AGXT2: variants seen among roughly 807,000 people sequenced by gnomAD.
The protein encoded by AGXT2 is alanine--glyoxylate aminotransferase 2, mitochondrial.
Under a neutral mutation model 62.5 loss-of-function variants are expected in AGXT2, and 61 were observed. The ratio of observed to expected loss-of-function variants is 0.98; its 90% confidence interval spans 0.79 to 1.21. The LOEUF (loss-of-function observed/expected upper bound fraction) is 1.21, where lower values mean the gene tolerates loss of function less well. Among genes scored for constraint, AGXT2 ranks in the 50% most tolerant of loss-of-function variants. The pLI, the probability that AGXT2 is intolerant of heterozygous loss-of-function variation, is 0.00. For missense variants in AGXT2, 666 were observed against 641.5 expected, an observed-to-expected ratio of 1.04 and a Z score of -0.41; for synonymous variants, 243 against 218.7, an observed-to-expected ratio of 1.11 and a Z score of -0.98.
rs1273211431 is a variant in AGXT2 at position 35,025,744 on chromosome 5, A to G, written c.963+19T>C. The G allele has an allele frequency of 1.2e-6, 2 of 1,613,502 alleles. No homozygotes were observed. Among genetic ancestry groups the G allele is most frequent in the Non-Finnish European group, 1.7e-6 (2 of 1,179,580 alleles). On this transcript the variant is annotated intron_variant, in intron 9 of 13. Coordinates refer to ENST00000231420, the MANE Select transcript of AGXT2 (RefSeq NM_031900.4). ...TCCTGTTCCCACTGCACTCAATGGC[A>G]CCCTTACATGCCACTTACTTCATCT...
intron 3 of AGXT2, among the ~76,000 whole-genome samples, chr5:35,038,073 C>T (rs13177884): frequency 0.29 from 43,628 of 152,134 alleles, 6,923 homozygotes; most frequent in Non-Finnish European, 0.37. Context: ...TTACTACAGA[C>T]ATTTTAGTAC....
At position 35,033,364 on chromosome 5, in the gene AGXT2, A is replaced by T. The variant is rs1045805994; in HGVS notation, c.675+96T>A. 7 of 975,914 alleles carry T rather than the reference A, an allele frequency of 7.2e-6. No homozygotes were observed. In the African/African-American group the frequency reaches 1.1e-4, roughly 16 times the overall value. The allele number at this position is 975,914 out of a possible 1,614,324, so 60.5% of individuals were successfully genotyped here. A position where few individuals can be genotyped will look rare whatever the true frequency, so the allele number is the denominator to read the frequency against. On this transcript the variant is annotated intron_variant, in intron 6 of 13. Coordinates refer to ENST00000231420, the MANE Select transcript of AGXT2 (RefSeq NM_031900.4). ...GAGCCCCTGATTAATGACAGGCTTT[A>T]TATTAGTTTCTAATCCTTATACCAG...
chr5:35,029,711 A>G (rs2112255167), intron 7 of AGXT2, among the ~76,000 whole-genome samples: 1 of 152,378 alleles, frequency 6.6e-6, no homozygotes, highest in East Asian at 1.9e-4. Context: ...TTTCAAAAGA[A>G]GAAGAATGAC....
chr5:35,023,806 A>G lies in AGXT2; in HGVS notation c.963+1957T>C, dbSNP rs564734534. 2.2e-3 allele frequency among the ~76,000 whole-genome samples: 338 copies of G among 152,344 alleles called. 1 individual carries two copies. Among genetic ancestry groups the G allele is most frequent in the African/African-American group, 7.6e-3 (317 of 41,582 alleles). Reference sequence around the variant, plus strand: ...GGGCATAACAGAGACCCAGCTGCCCAGGCAGAAATTGCAAAATTTCTGCTG... The same window carrying G: ...GGGCATAACAGAGACCCAGCTGCCCGGGCAGAAATTGCAAAATTTCTGCTG... On this transcript the variant is annotated intron_variant, in intron 9 of 13. Transcript: ENST00000231420.
chr5:35,026,190 G>C, intron 8 of AGXT2: 1 of 608,434 alleles, frequency 1.6e-6, no homozygotes, highest in East Asian at 2.8e-5. Flanking sequence ...AGAATTTTAG[G>C]AGTTCGGTAG....
rs748513688 is a variant in AGXT2, at chr5:35,026,378, G to C, written c.870+32C>G. On this transcript the variant is annotated intron_variant, in intron 8 of 13. Coordinates refer to ENST00000231420, the MANE Select transcript of AGXT2 (RefSeq NM_031900.4). Reference sequence around the variant, plus strand: ...AAACTTTCTGATAATTGAAGATTCAGCTCCATTAATGTCTAAGGTTCATAT... The same window carrying C: ...AAACTTTCTGATAATTGAAGATTCACCTCCATTAATGTCTAAGGTTCATAT... The C allele has an allele frequency of 4.6e-5, 70 of 1,535,802 alleles. 1 individual carries two copies. The highest frequency in any genetic ancestry group is 6.1e-5 in the Non-Finnish European group (68 of 1,108,994).
At chr5:35,016,086 A>AT (rs915773974) in intron 9 of AGXT2, among the ~76,000 whole-genome samples, 1 of 152,028 alleles carries the variant, frequency 6.6e-6, no homozygotes, top group Non-Finnish European at 1.5e-5. Context: ...CAGCTGATTG[A>AT]TTTTTCCAAA....
rs764375395 is a variant in AGXT2, at chr5:34,998,839, C to G, written c.1438-13G>C. On this transcript the variant is annotated splice_polypyrimidine_tract_variant and intron_variant, in intron 13 of 13. Coordinates refer to ENST00000231420, the MANE Select transcript of AGXT2 (RefSeq NM_031900.4). ...CAATGCGAAATGTCTGAGGAGACAC[C>G]AAAAAATAAGAAAACAAATCATCAG... The G allele has an allele frequency of 6.4e-7, 1 of 1,569,850 alleles. No homozygotes were observed. The highest frequency in any genetic ancestry group is 8.8e-7 in the Non-Finnish European group (1 of 1,141,162).
At chr5:35,012,787 A>G (rs549977857) in intron 11 of AGXT2, 167 bp downstream of exon 11, 10 of 718,704 alleles carry the variant, frequency 1.4e-5, no homozygotes, top group Middle Eastern at 2.6e-4. Flanking sequence ...TAGGTCTTTA[A>G]AAAGGGAGAA....
intron 9 of AGXT2, among the ~76,000 whole-genome samples, chr5:35,023,897 T>G (rs1767220760): frequency 6.6e-6 from 1 of 151,414 alleles, no homozygotes; most frequent in South Asian, 2.1e-4. Context: ...ATTTATTTAT[T>G]TATTTATTTA....
At chr5:35,040,461 G>T in intron 2 of AGXT2, 114 bp downstream of exon 2, 1 of 926,670 alleles carries the variant, frequency 1.1e-6, no homozygotes, top group South Asian at 1.3e-5. Context: ...TATCTGGAAT[G>T]AGGTAGTTTA....
chr5:35,022,115 C>T (rs1767124237), intron 9 of AGXT2, among the ~76,000 whole-genome samples: 1 of 152,148 alleles, frequency 6.6e-6, no homozygotes, highest in South Asian at 2.1e-4. Flanking sequence ...AACACTTTTA[C>T]ACTGTTGGTG....
chr5:35,021,643 C>A (rs957595041), intron 9 of AGXT2, among the ~76,000 whole-genome samples: 20 of 151,994 alleles, frequency 1.3e-4, no homozygotes, highest in African/African-American at 4.4e-4. Flanking sequence ...TAGGCATTAC[C>A]ATTCAGGACA....
chr5:35,027,015 A>G, intron 7 of AGXT2: 1 of 985,424 alleles, frequency 1.0e-6, no homozygotes, highest in Non-Finnish European at 1.2e-6. Flanking sequence ...ATTCAGTCTA[A>G]AGAGAAATGT....
In AGXT2 at chr5:35,010,094, A is replaced by C. The variant is rs775414339; in HGVS notation, c.1244T>G (p.Leu415Ter). ...ENSQEVGTYM[L>*]LKFAKLRDEF... ...ATCCCGCAGCTTAGCAAACTTTAGT[A>C]ACATGTAGGTCCCAACTTCTTGACT... The change falls in exon 12 of 14, where the codon TTA becomes TGA. Residue 415 changes from leucine (L) to a stop codon, truncating the protein, a stop_gained. Coordinates refer to ENST00000231420, the MANE Select transcript of AGXT2 (RefSeq NM_031900.4). LOFTEE classifies it high-confidence loss of function. 1.3e-5 allele frequency: 21 copies of C among 1,614,090 alleles called. No individual in the cohort carries two copies. The South Asian group carries it at 2.3e-4, about 18-fold the overall frequency.
intron 9 of AGXT2, among the ~76,000 whole-genome samples, chr5:35,016,157 CT>C (rs1360187177): frequency 6.6e-6 from 1 of 152,170 alleles, no homozygotes; most frequent in African/African-American, 2.4e-5. Context: ...GCGTGTCTTT[CT>C]TTTTCACTCC....
In AGXT2 at chr5:35,026,477, T is replaced by C. The variant is rs1446775927; in HGVS notation, c.803A>G (p.Gln268Arg). Residue 268 changes from glutamine to arginine, a missense_variant, in exon 8 of 14, where the codon CAA becomes CGA. Gln to Arg is a conservative substitution (Grantham distance 43, BLOSUM62 1). Transcript: ENST00000231420. ...CCQAKDQYIE[Q>R]FKDTLSTSVA... ...AGATGTGCTCAGCGTATCTTTGAATTGCTCAATATACTGATCTTTAGCTTG... is the reference window on the plus strand; with the variant it reads ...AGATGTGCTCAGCGTATCTTTGAATCGCTCAATATACTGATCTTTAGCTTG... The C allele has an allele frequency of 3.1e-6, 5 of 1,614,134 alleles. No individual in the cohort carries two copies. The highest frequency in any genetic ancestry group is 4.2e-6 in the Non-Finnish European group (5 of 1,180,012).
chr5:35,045,880 G>A (rs1170375081), intron 1 of AGXT2, among the ~76,000 whole-genome samples: 1 of 147,430 alleles, frequency 6.8e-6, no homozygotes, highest in Non-Finnish European at 1.5e-5. Flanking sequence ...CCATTCTCCT[G>A]CCTCAGCCTC....
chr5:34,999,480 T>A (rs188789769), intron 13 of AGXT2, among the ~76,000 whole-genome samples: 2 of 152,200 alleles, frequency 1.3e-5, no homozygotes, highest in African/African-American at 4.8e-5. Flanking sequence ...CCACAGCCAA[T>A]CCCAGCGCTA....
Sources: allele counts gnomAD v4.1 joint callset (sites outside exome capture counted in the v4.1 genomes callset), GRCh38; gene constraint gnomAD v4.1.1; transcripts MANE v1.5; gene names NCBI Gene and HGNC (gene_info 2026-07-23, HGNC 2026-07-21).